Variants in SNTG1 observed in about 807,000 individuals in gnomAD.
SNTG1 encodes the protein syntrophin gamma 1.
A neutral mutation model predicts 74.7 loss-of-function variants in SNTG1; 39 were observed. The observed-to-expected ratio is 0.52, with a 90% CI of 0.40 to 0.68. SNTG1 has a LOEUF of 0.68. SNTG1 is among the 30% of genes least tolerant of loss of function. SNTG1 has a pLI of 0.00. For missense variants in SNTG1, 685 were observed against 609.5 expected, an observed-to-expected ratio of 1.12 and a Z score of -1.30; for synonymous variants, 254 against 217.1, an observed-to-expected ratio of 1.17 and a Z score of -1.49.
chr8:50,132,053 T>C (rs538489260), intron 1 of SNTG1, among the ~76,000 whole-genome samples: 139 of 152,138 alleles, frequency 9.1e-4, no homozygotes, highest in Non-Finnish European at 1.7e-3. Flanking sequence ...GTTTCTATGC[T>C]GGTACTATAC....
At chr8:50,758,180 G>A (rs1390422635) in intron 18 of SNTG1, among the ~76,000 whole-genome samples, 1 of 151,672 alleles carries the variant, frequency 6.6e-6, no homozygotes, top group Non-Finnish European at 1.5e-5. Context: ...TAAAGCTTGT[G>A]GTATATTAAT....
chr8:50,115,576 A>AAAAAAAACAAAAAAAAAAAAAC, intron 1 of SNTG1, among the ~76,000 whole-genome samples: 1 of 82,800 alleles, frequency 1.2e-5, no homozygotes, highest in South Asian at 5.1e-4. Flanking sequence ...TCAAAAAAAA[A>AAAAAAAACAAAAAAAAAAAAAC]AAAAAAAAAA....
chr8:49,925,721 C>T (rs955061451), intron 1 of SNTG1, among the ~76,000 whole-genome samples: 1 of 152,130 alleles, frequency 6.6e-6, no homozygotes, highest in African/African-American at 2.4e-5. Context: ...ATTTTTTGCA[C>T]TCAGAGTAAA....
intron 12 of SNTG1, among the ~76,000 whole-genome samples, chr8:50,583,598 C>A (rs1266918962): frequency 6.6e-6 from 1 of 151,906 alleles, no homozygotes; most frequent in Non-Finnish European, 1.5e-5. Flanking sequence ...GGAAATAGGT[C>A]AAATCAAATG....
At chr8:50,739,646 C>G (rs1471416822) in intron 17 of SNTG1, among the ~76,000 whole-genome samples, 1 of 151,816 alleles carries the variant, frequency 6.6e-6, no homozygotes, top group Non-Finnish European at 1.5e-5. Context: ...AGCAAACCAC[C>G]ATGGCATGTG....
At chr8:50,074,452 A>G (rs1396158291) in intron 1 of SNTG1, among the ~76,000 whole-genome samples, 1 of 152,158 alleles carries the variant, frequency 6.6e-6, no homozygotes, top group African/African-American at 2.4e-5. Context: ...ACCTAATTTC[A>G]ATATTGTTGT....
intron 1 of SNTG1, among the ~76,000 whole-genome samples, chr8:50,103,737 C>G (rs887538353): frequency 1.2e-4 from 18 of 152,142 alleles, no homozygotes; most frequent in African/African-American, 4.3e-4. Context: ...TACGTCCCAT[C>G]AATACCTAAT....
At chr8:50,629,005 T>C (rs1015970391) in intron 13 of SNTG1, among the ~76,000 whole-genome samples, 1 of 152,138 alleles carries the variant, frequency 6.6e-6, no homozygotes, top group Non-Finnish European at 1.5e-5. Context: ...CTCATTTATA[T>C]GTGGAAGCTA....
At chr8:50,664,517 G>A (rs1393522804) in intron 15 of SNTG1, among the ~76,000 whole-genome samples, 1 of 152,086 alleles carries the variant, frequency 6.6e-6, no homozygotes, top group Non-Finnish European at 1.5e-5. Context: ...GGGGGGCTGT[G>A]TATTCTTTGA....
intron 2 of SNTG1, among the ~76,000 whole-genome samples, chr8:50,256,607 A>G (rs867120954): frequency 1.3e-5 from 2 of 151,838 alleles, no homozygotes; most frequent in Middle Eastern, 3.4e-3. Context: ...ATTGTTTTGG[A>G]AAAAAAATTA....
chr8:49,934,676 C>T (rs535452621), intron 1 of SNTG1, among the ~76,000 whole-genome samples: 1 of 152,128 alleles, frequency 6.6e-6, no homozygotes, highest in East Asian at 1.9e-4. Flanking sequence ...ATGATTATGT[C>T]GACAAGTCCT....
chr8:50,700,866 A>G (rs1481701065), intron 15 of SNTG1, among the ~76,000 whole-genome samples: 1 of 152,212 alleles, frequency 6.6e-6, no homozygotes, highest in African/African-American at 2.4e-5. Context: ...TATAAATAAC[A>G]ACAGGAAATG....
chr8:50,219,922 C>G (rs10100636), intron 2 of SNTG1, among the ~76,000 whole-genome samples: 60,513 of 151,728 alleles, frequency 0.4, 14,434 homozygotes, highest in African/African-American at 0.68. Flanking sequence ...AGACCAAAAG[C>G]TTTTCTTGAG....
rs1371822024 is a variant in SNTG1 at position 50,787,014 on chromosome 8, TG to T, written c.1396-5656del. Reference sequence around the variant, plus strand: ...GGACTTTTTCAAAATTTAAAGCACTTGTGCTGAGTAATACTATAAAAAAGGT... The same window carrying T: ...GGACTTTTTCAAAATTTAAAGCACTTTGCTGAGTAATACTATAAAAAAGGT... On this transcript the variant is annotated intron_variant, in intron 18 of 18. Coordinates refer to ENST00000642720, the MANE Select transcript of SNTG1 (RefSeq NM_018967.5). 2.0e-5 allele frequency among the ~76,000 whole-genome samples: 3 copies of T among 152,026 alleles called. 1 individual carries two copies. In the East Asian group the frequency reaches 5.8e-4, roughly 29 times the overall value.
At chr8:50,719,477 C>T (rs1053809036) in intron 17 of SNTG1, among the ~76,000 whole-genome samples, 2 of 152,152 alleles carry the variant, frequency 1.3e-5, no homozygotes, top group African/African-American at 4.8e-5. Context: ...GTAAGAAATA[C>T]ATTTCTATTG....
intron 1 of SNTG1, chr8:49,914,915 T>A (rs1021815683): frequency 2.6e-5 from 4 of 152,168 alleles, no homozygotes; most frequent in African/African-American, 9.7e-5. Flanking sequence ...GTACAGTGTG[T>A]TATAGAATAG....
chr8:50,052,357 C>A (rs1184631798), intron 1 of SNTG1, among the ~76,000 whole-genome samples: 1 of 152,038 alleles, frequency 6.6e-6, no homozygotes, highest in Non-Finnish European at 1.5e-5. Flanking sequence ...GGCACAAGGA[C>A]TTCTGGATAT....
intron 11 of SNTG1, among the ~76,000 whole-genome samples, chr8:50,541,739 G>A (rs1284149816): frequency 6.6e-6 from 1 of 151,592 alleles, no homozygotes; most frequent in African/African-American, 2.4e-5. Flanking sequence ...ACCTTACTAA[G>A]CTATTTAATA....
intron 18 of SNTG1, among the ~76,000 whole-genome samples, chr8:50,777,189 C>T (rs1254370696): frequency 6.8e-6 from 1 of 147,638 alleles, no homozygotes; most frequent in Non-Finnish European, 1.5e-5. Context: ...TTTTTGTCCT[C>T]ATTTTTTGGA....
Sources: allele counts gnomAD v4.1 joint callset (sites outside exome capture counted in the v4.1 genomes callset), GRCh38; gene constraint gnomAD v4.1.1; transcripts MANE v1.5; gene names NCBI Gene and HGNC (gene_info 2026-07-23, HGNC 2026-07-21).